The following BEND3 variants were observed in gnomAD, a reference collection of about 807,000 sequenced individuals.
BEND3 encodes the protein BEN domain-containing protein 3.
Under a neutral mutation model 60.1 loss-of-function variants are expected in BEND3, and 13 were observed. That is an observed-to-expected ratio of 0.22 (90% confidence interval 0.14 to 0.34). The LOEUF is 0.34. Among genes scored for constraint, BEND3 ranks in the 10% least tolerant of loss-of-function variants. BEND3 has a pLI of 1.00. For missense variants in BEND3, 896 were observed against 1,138.1 expected (o/e 0.79, Z 3.06); for synonymous variants, 497 against 491.5 (o/e 1.01, Z -0.15).
At chr6:107,097,594 C>A (rs1775611870) in intron 3 of BEND3, among the ~76,000 whole-genome samples, 1 of 151,532 alleles carries the variant, frequency 6.6e-6, no homozygotes, top group Non-Finnish European at 1.5e-5. Flanking sequence ...AGTTCAAGAC[C>A]AGCTTGGCCA....
At chr6:107,098,418 G>A (rs1775632237) in intron 3 of BEND3, 133 bp downstream of exon 3, 1 of 859,158 alleles carries the variant, frequency 1.2e-6, no homozygotes, top group Non-Finnish European at 1.8e-6. Context: ...CCAGAGATGG[G>A]ATAGCTTAAA....
At chr6:107,092,846 T>C (rs1215066276) in intron 3 of BEND3, among the ~76,000 whole-genome samples, 1 of 152,124 alleles carries the variant, frequency 6.6e-6, no homozygotes, top group Non-Finnish European at 1.5e-5. Flanking sequence ...ACAAGTAGAA[T>C]TTAAAATTAA....
chr6:107,113,437 C>CAAAAAAAAA (rs1158122732), intron 1 of BEND3, among the ~76,000 whole-genome samples: 2 of 13,060 alleles, frequency 1.5e-4, no homozygotes, highest in African/African-American at 4.4e-4. Flanking sequence ...GACTCCGTCT[C>CAAAAAAAAA]AAAAAAAAAA....
At chr6:107,111,259 T>C (rs1770079171) in intron 1 of BEND3, among the ~76,000 whole-genome samples, 1 of 149,364 alleles carries the variant, frequency 6.7e-6, no homozygotes, top group Admixed American at 6.7e-5. Context: ...GCCTGTAATC[T>C]CAGCACTTCG....
chr6:107,069,408 A>G lies in BEND3; in HGVS notation c.1783T>C (p.Tyr595His), dbSNP rs1554231447. The change falls in exon 4 of 4, where the codon TAC (tyrosine) becomes CAC (histidine). Residue 595 changes from tyrosine to histidine, a missense_variant. Physicochemically the swap from Tyr to His is moderately conservative, Grantham distance 83 (BLOSUM62 2). Around this residue, in one of 4 missense-constraint regions of BEND3, gnomAD observed 846 missense variants for 1,036.7 expected, o/e 0.82. Coordinates refer to ENST00000369042, the MANE Select transcript of BEND3 (RefSeq NM_001367314.1). ...LFTHENLRKQ[Y>H]NCSGSLGKKQ... is the part of the protein sequence containing the mutation. ...TTGCCCAGGGAGCCGCTGCAGTTGTACTGCTTGCGCAGGTTCTCGTGCGTG... is the reference window on the plus strand; with the variant it reads ...TTGCCCAGGGAGCCGCTGCAGTTGTGCTGCTTGCGCAGGTTCTCGTGCGTG... 1.3e-5 allele frequency: 21 copies of G among 1,612,584 alleles called. No individual in the cohort carries two copies. Among genetic ancestry groups the G allele is most frequent in the Non-Finnish European group, 4.2e-6 (5 of 1,179,962 alleles).
intron 1 of BEND3, among the ~76,000 whole-genome samples, chr6:107,108,398 T>C (rs1775868468): frequency 1.3e-5 from 2 of 152,206 alleles, no homozygotes; most frequent in Admixed American, 1.3e-4. Context: ...AACCTTGGCA[T>C]GCAGAAGCTG....
chr6:107,102,129 C>CT (rs1448273936), intron 1 of BEND3, among the ~76,000 whole-genome samples: 2 of 152,160 alleles, frequency 1.3e-5, no homozygotes, highest in East Asian at 3.9e-4. Context: ...ACAAAACAGG[C>CT]GTCGATGAGA....
At chr6:107,071,982 T>C (rs1327147688) in intron 3 of BEND3, among the ~76,000 whole-genome samples, 6 of 152,208 alleles carry the variant, frequency 3.9e-5, no homozygotes, top group East Asian at 1.9e-4. Flanking sequence ...ACGTATCAAA[T>C]TGTATACCTT....
rs1005493343 is a variant in BEND3, at chr6:107,110,161, C to G, written c.-12+4929G>C. Reference sequence around the variant, plus strand: ...TCAACCTGGTCAACACAGCCAGACTCTGTCTTACAAAAACTGGAGGGAGAG... The same window carrying G: ...TCAACCTGGTCAACACAGCCAGACTGTGTCTTACAAAAACTGGAGGGAGAG... On this transcript the variant is annotated intron_variant, in intron 1 of 3. Coordinates refer to ENST00000369042, the MANE Select transcript of BEND3 (RefSeq NM_001367314.1). Among the ~76,000 whole-genome samples the G allele has an allele frequency of 2.6e-5, 4 of 152,200 alleles. No individual in the cohort carries two copies. The South Asian group carries it at 6.2e-4, about 24-fold the overall frequency.
At chr6:107,073,214 T>C (rs1562300383) in intron 3 of BEND3, among the ~76,000 whole-genome samples, 1 of 4,478 alleles carries the variant, frequency 2.2e-4, no homozygotes, top group East Asian at 3.1e-3. Flanking sequence ...TATATATATA[T>C]ATATATATAT....
intron 3 of BEND3, among the ~76,000 whole-genome samples, chr6:107,075,169 T>G (rs1775075294): frequency 6.6e-6 from 1 of 151,406 alleles, no homozygotes; most frequent in South Asian, 2.1e-4. Context: ...GAGGTTGCAG[T>G]GAGCTGTGAC....
chr6:107,088,102 C>G (rs1038233443), intron 3 of BEND3, among the ~76,000 whole-genome samples: 4 of 150,578 alleles, frequency 2.7e-5, no homozygotes, highest in Non-Finnish European at 4.4e-5. Flanking sequence ...CCTCAAACTA[C>G]TGGCCTCAAG....
intron 3 of BEND3, among the ~76,000 whole-genome samples, chr6:107,090,418 G>A (rs1775451209): frequency 6.6e-6 from 1 of 152,116 alleles, no homozygotes; most frequent in Admixed American, 6.6e-5. Flanking sequence ...TCTTCAGAGA[G>A]AAAGAAAATG....
chr6:107,093,647 A>G (rs1165704291), intron 3 of BEND3, among the ~76,000 whole-genome samples: 4 of 152,214 alleles, frequency 2.6e-5, no homozygotes, highest in Non-Finnish European at 4.4e-5. Context: ...GATGGAACAC[A>G]GTCTTTTCAA....
At chr6:107,094,388 G>A (rs903007991) in intron 3 of BEND3, among the ~76,000 whole-genome samples, 5 of 151,972 alleles carry the variant, frequency 3.3e-5, no homozygotes, top group Admixed American at 1.3e-4. Flanking sequence ...TTTGGAGGCT[G>A]AGGGGGGTGG....
At chr6:107,103,366 T>C (rs1048231695) in intron 1 of BEND3, among the ~76,000 whole-genome samples, 5 of 152,132 alleles carry the variant, frequency 3.3e-5, no homozygotes, top group Non-Finnish European at 5.9e-5. Flanking sequence ...GCCACAGACA[T>C]TCCTCTCGCC....
intron 1 of BEND3, among the ~76,000 whole-genome samples, chr6:107,107,612 A>G (rs1012833260): frequency 6.6e-6 from 1 of 152,206 alleles, no homozygotes; most frequent in African/African-American, 2.4e-5. Context: ...ACAGGTGGGC[A>G]CCACCATGCC....
chr6:107,095,082 C>T (rs1361782613), intron 3 of BEND3, among the ~76,000 whole-genome samples: 1 of 152,070 alleles, frequency 6.6e-6, no homozygotes, highest in Non-Finnish European at 1.5e-5. Context: ...CTCAGCCTCC[C>T]AAGATGCAAG....
intron 3 of BEND3, among the ~76,000 whole-genome samples, chr6:107,090,327 C>A (rs906028686): frequency 6.6e-6 from 1 of 151,896 alleles, no homozygotes; most frequent in African/African-American, 2.4e-5. Context: ...CCAGCCTGGA[C>A]GACAGAGCAA....
Sources: gnomAD v4.1 joint callset for allele counts (sites outside exome capture counted in the v4.1 genomes callset) on GRCh38, gnomAD v4.1.1 for gene constraint, gnomAD v4.1.1 regional missense constraint, MANE v1.5 for transcripts, NCBI Gene and HGNC (gene_info 2026-07-23, HGNC 2026-07-21) for gene names.